Variants in TMEM242 observed in about 807,000 individuals in gnomAD.
TMEM242 encodes transmembrane protein 242, also known as UPF0463 transmembrane protein C6orf35.
In TMEM242, 10 loss-of-function variants were observed where a neutral mutation model predicts 18.2. The ratio of observed to expected loss-of-function variants is 0.55; its 90% confidence interval spans 0.34 to 0.93. TMEM242 has a LOEUF of 0.93. Ranked by LOEUF, TMEM242 falls within the 40% of genes least tolerant of loss-of-function variation. TMEM242 has a pLI of 0.02. For missense variants in TMEM242, 186 were observed against 175.5 expected (o/e 1.06, Z -0.34); for synonymous variants, 57 against 69.9 (o/e 0.81, Z 0.92).
In TMEM242 at chr6:157,304,118, A is replaced by G. The variant is rs148131750; in HGVS notation, c.328-11119T>C. 1.3e-3 allele frequency among the ~76,000 whole-genome samples: 203 copies of G among 152,332 alleles called. 2 individuals carry two copies. Among genetic ancestry groups the G allele is most frequent in the African/African-American group, 4.7e-3 (194 of 41,568 alleles). ...CAATATAAAAGAGCCACTTGTGTTA[A>G]TCATTAAAAAGGAAAACTTATAATG... On this transcript the variant is annotated intron_variant, in intron 3 of 3. Transcript: ENST00000400788.
At chr6:157,298,820 G>A (rs1208195701) in intron 3 of TMEM242, among the ~76,000 whole-genome samples, 2 of 152,174 alleles carry the variant, frequency 1.3e-5, no homozygotes, top group African/African-American at 4.8e-5. Flanking sequence ...GGCAAGTGCT[G>A]CTACATCAGG....
chr6:157,314,013 A>AG (rs1562386973), intron 3 of TMEM242, among the ~76,000 whole-genome samples: 4 of 1,388 alleles, frequency 2.9e-3, no homozygotes, highest in Non-Finnish European at 5.2e-3. Flanking sequence ...CTAGCCTCAT[A>AG]GTGTCTCAGT....
At chr6:157,303,000 T>C (rs1777851427) in intron 3 of TMEM242, among the ~76,000 whole-genome samples, 2 of 152,202 alleles carry the variant, frequency 1.3e-5, no homozygotes, top group Admixed American at 1.3e-4. Context: ...TGATATTCCA[T>C]TCTCTCACCA....
intron 3 of TMEM242, among the ~76,000 whole-genome samples, chr6:157,315,046 T>C (rs924835894): frequency 3.9e-5 from 6 of 152,238 alleles, no homozygotes; most frequent in Admixed American, 1.3e-4. Flanking sequence ...TCATCTCAGT[T>C]ATTTATTGAG....
intron 3 of TMEM242, among the ~76,000 whole-genome samples, chr6:157,317,313 G>A (rs1364681973): frequency 5.3e-5 from 8 of 152,036 alleles, no homozygotes; most frequent in African/African-American, 1.9e-4. Context: ...TGCCAAACCG[G>A]GTGAATCATC....
chr6:157,312,879 C>A (rs797033407), intron 3 of TMEM242, among the ~76,000 whole-genome samples: 11 of 35,394 alleles, frequency 3.1e-4, no homozygotes, highest in Non-Finnish European at 5.7e-4. Context: ...AGTGTGCACT[C>A]ACCTAGCCTC....
At chr6:157,309,584 T>C (rs1258312233) in intron 3 of TMEM242, among the ~76,000 whole-genome samples, 1 of 152,048 alleles carries the variant, frequency 6.6e-6, no homozygotes, top group African/African-American at 2.4e-5. Flanking sequence ...AAAAACAAGG[T>C]CTCGCTATGT....
rs933599044 is a variant in TMEM242 at position 157,305,679 on chromosome 6, T to C, written c.328-12680A>G. Among the ~76,000 whole-genome samples, 1 of 151,550 alleles carries C rather than the reference T, an allele frequency of 6.6e-6. No homozygotes were observed. Among genetic ancestry groups the C allele is most frequent in the Non-Finnish European group, 1.5e-5 (1 of 67,914 alleles). On this transcript the variant is annotated intron_variant, in intron 3 of 3. Coordinates refer to ENST00000400788, the MANE Select transcript of TMEM242 (RefSeq NM_018452.6). This position sits in a 1 kb window ranked among gnomAD's most constrained non-coding sequence, Gnocchi z 4.1. ...GTTAAGAGGCTGGCCAGGGGAGGGG[T>C]TGGCACAAGAGACAGGCAAAATGTC...
Position 157,300,770 on chromosome 6 carries a change from T to G in TMEM242, c.328-7771A>C, listed in dbSNP as rs369343210. On this transcript the variant is annotated intron_variant, in intron 3 of 3. Transcript: ENST00000400788. ...ATTCACCAGGCGAGAATGCTATTCCTTTCTCATGCTAGAGGAAAGCCTTTG... is the reference window on the plus strand; with the variant it reads ...ATTCACCAGGCGAGAATGCTATTCCGTTCTCATGCTAGAGGAAAGCCTTTG... Among the ~76,000 whole-genome samples, 8 of 152,354 alleles carry G rather than the reference T, an allele frequency of 5.3e-5. No individual in the cohort carries two copies. The East Asian group carries it at 1.4e-3, about 26-fold the overall frequency.
chr6:157,301,810 T>G (rs1554247547), intron 3 of TMEM242, among the ~76,000 whole-genome samples: 1 of 152,116 alleles, frequency 6.6e-6, no homozygotes, highest in African/African-American at 2.4e-5. Flanking sequence ...TGTGTGCCTA[T>G]GGTCCCAGCT....
At chr6:157,318,694 T>C in intron 3 of TMEM242, 88 bp downstream of exon 3, 1 of 1,548,200 alleles carries the variant, frequency 6.5e-7, no homozygotes, top group Non-Finnish European at 8.8e-7. Flanking sequence ...CCAAACTACA[T>C]GCAAATAAAT....
intron 3 of TMEM242, among the ~76,000 whole-genome samples, chr6:157,296,498 C>T (rs1468218303): frequency 1.3e-5 from 2 of 152,136 alleles, no homozygotes; most frequent in African/African-American, 2.4e-5. Context: ...ACCTGGCCAA[C>T]GTGGTAAAAT....
rs1349395175 is a variant in TMEM242, at chr6:157,291,162, C to T, written c.*1739G>A. On this transcript the variant is annotated 3_prime_UTR_variant, in exon 4 of 4. Transcript: ENST00000400788. ...ACAGAATCAGTTAACAATGATTTCT[C>T]CTTTTAACACTCCAGACAGGTGGGC... is the stretch of plus-strand genomic sequence containing the variant. The T allele has an allele frequency of 1.3e-5, 2 of 152,238 alleles. No homozygotes were observed. The highest frequency in any genetic ancestry group is 2.9e-5 in the Non-Finnish European group (2 of 68,040). The allele number at this position is 152,238 out of a possible 1,614,324, so 9.4% of individuals were successfully genotyped here.
chr6:157,293,654 TG>T (rs1301876657), intron 3 of TMEM242, among the ~76,000 whole-genome samples: 2 of 150,996 alleles, frequency 1.3e-5, no homozygotes, highest in African/African-American at 4.9e-5. Context: ...TGCAAGACAG[TG>T]GTTTTTTTTT....
chr6:157,313,051 C>G (rs1554249586), intron 3 of TMEM242, among the ~76,000 whole-genome samples: 2 of 147,036 alleles, frequency 1.4e-5, no homozygotes, highest in African/African-American at 2.5e-5. Context: ...TGTGCACTCA[C>G]CTGGCCTCAT....
chr6:157,304,848 G>A (rs1490591721), intron 3 of TMEM242, among the ~76,000 whole-genome samples: 3 of 152,178 alleles, frequency 2.0e-5, no homozygotes, highest in Admixed American at 6.5e-5. Flanking sequence ...AACAGCCAGC[G>A]ATGCAAGGAC....
intron 3 of TMEM242, among the ~76,000 whole-genome samples, chr6:157,311,293 G>A (rs1583565395): frequency 7.4e-6 from 1 of 134,518 alleles, no homozygotes; most frequent in African/African-American, 2.9e-5. Context: ...CACACACCGA[G>A]CCTCATTATA....
intron 3 of TMEM242, among the ~76,000 whole-genome samples, chr6:157,316,549 C>G (rs1222423353): frequency 2.0e-5 from 3 of 152,108 alleles, no homozygotes; most frequent in Non-Finnish European, 4.4e-5. Context: ...TTTAGCATTA[C>G]AAACAATGAT....
intron 3 of TMEM242, among the ~76,000 whole-genome samples, chr6:157,309,279 A>C (rs1355203241): frequency 2.0e-5 from 3 of 152,086 alleles, no homozygotes; most frequent in Admixed American, 6.6e-5. Flanking sequence ...ACTTTTCAAC[A>C]TTGATTTTTT....
Sources: gnomAD v4.1 joint callset for allele counts (sites outside exome capture counted in the v4.1 genomes callset) on GRCh38, gnomAD v4.1.1 for gene constraint, Gnocchi (gnomAD v3.1) non-coding constraint, MANE v1.5 for transcripts, NCBI Gene and HGNC (gene_info 2026-07-23, HGNC 2026-07-21) for gene names.